SETBP1: variants seen among roughly 807,000 people sequenced by gnomAD.
SETBP1 encodes the protein SET-binding protein.
In SETBP1, 9 loss-of-function variants were observed where a neutral mutation model predicts 101.0. The observed-to-expected ratio is 0.09, with a 90% confidence interval of 0.05 to 0.16. The LOEUF (loss-of-function observed/expected upper bound fraction) is 0.16, where lower values mean the gene tolerates loss of function less well. SETBP1 is among the 10% of genes least tolerant of loss of function. The probability of loss-of-function intolerance (pLI) is 1.00; values close to 1 mark genes in which losing one functional copy is unlikely to be tolerated. For missense variants in SETBP1, 1,858 were observed against 2,033.8 expected (o/e 0.91, Z 1.66); for synonymous variants, 818 against 788.5 (o/e 1.04, Z -0.63).
At chr18:44,718,476 A>AAGAGAG (rs34880717) in intron 2 of SETBP1, among the ~76,000 whole-genome samples, 16 of 150,334 alleles carry the variant, frequency 1.1e-4, no homozygotes, top group Non-Finnish European at 2.2e-4. Context: ...CCTAGTAGCA[A>AAGAGAG]AGAGAGAGAG....
At chr18:44,899,795 A>T (rs1345262830) in intron 3 of SETBP1, among the ~76,000 whole-genome samples, 4 of 152,224 alleles carry the variant, frequency 2.6e-5, no homozygotes, top group Non-Finnish European at 4.4e-5. Context: ...CATTTATATG[A>T]TTGTGATGAC....
In SETBP1 at chr18:44,875,904, A is replaced by G. The variant is rs144537012; in HGVS notation, c.540+6621A>G. Among the ~76,000 whole-genome samples the G allele has an allele frequency of 2.0e-5, 3 of 152,322 alleles. No homozygotes were observed. The East Asian group carries it at 5.8e-4, about 29-fold the overall frequency. On this transcript the variant is annotated intron_variant, in intron 3 of 5. Coordinates refer to ENST00000649279, the MANE Select transcript of SETBP1 (RefSeq NM_015559.3). Reference sequence around the variant, plus strand: ...AACCACTTATGCTACGCCATCTTGAATTAGATTTGTCTCTACAGTGAACAC... The same window carrying G: ...AACCACTTATGCTACGCCATCTTGAGTTAGATTTGTCTCTACAGTGAACAC...
rs2072454707 is a variant in SETBP1 at position 44,834,603 on chromosome 18, A to G, written c.487-34627A>G. ...GAAGGGGTTAATCAATTGTTCTCCA[A>G]ATGTCCTCCATCAGCAGGGACCAGT... On this transcript the variant is annotated intron_variant, in intron 2 of 5. Transcript: ENST00000649279. 3.9e-5 allele frequency among the ~76,000 whole-genome samples: 6 copies of G among 152,184 alleles called. No individual in the cohort carries two copies. In the South Asian group the frequency reaches 1.2e-3, roughly 32 times the overall value.
At position 45,067,405 on chromosome 18, in the gene SETBP1, T is replaced by A. The variant is rs2073982653; in HGVS notation, c.*3707T>A. The A allele has an allele frequency of 6.6e-6, 1 of 152,128 alleles. No homozygotes were observed. The highest frequency in any genetic ancestry group is 2.4e-5 in the African/African-American group (1 of 41,426). The allele number at this position is 152,128 out of a possible 1,614,324, so 9.4% of individuals were successfully genotyped here. ...ACTAGAAAGATTTACCTGGGAACTG[T>A]CTAAAGTCTACACACATATTTCCAA... On this transcript the variant is annotated 3_prime_UTR_variant, in exon 6 of 6. Coordinates refer to ENST00000649279, the MANE Select transcript of SETBP1 (RefSeq NM_015559.3).
chr18:44,896,917 G>A (rs1399934483), intron 3 of SETBP1, among the ~76,000 whole-genome samples: 1 of 152,044 alleles, frequency 6.6e-6, no homozygotes, highest in Admixed American at 6.6e-5. Flanking sequence ...TATTTAAGCA[G>A]CCATCAATCC....
chr18:44,838,705 T>C (rs972294631), intron 2 of SETBP1, among the ~76,000 whole-genome samples: 4 of 152,330 alleles, frequency 2.6e-5, no homozygotes, highest in African/African-American at 9.6e-5. Flanking sequence ...TGGGGTGGGC[T>C]GGATAGAAAC....
intron 2 of SETBP1, among the ~76,000 whole-genome samples, chr18:44,711,051 A>AAATATAT (rs1262144290): frequency 2.0e-5 from 3 of 152,148 alleles, no homozygotes; most frequent in South Asian, 2.1e-4. Context: ...CCTGAGGCTG[A>AAATATAT]ATTATATATT....
chr18:44,892,436 T>C (rs1160137541), intron 3 of SETBP1, among the ~76,000 whole-genome samples: 1 of 152,180 alleles, frequency 6.6e-6, no homozygotes, highest in African/African-American at 2.4e-5. Flanking sequence ...GTCACCTGCA[T>C]ATGTACATGG....
chr18:44,931,931 C>T (rs2070845197), intron 3 of SETBP1, among the ~76,000 whole-genome samples: 1 of 152,236 alleles, frequency 6.6e-6, no homozygotes, highest in East Asian at 1.9e-4. Context: ...AGAATTTAGC[C>T]CATTTACATT....
At chr18:44,741,228 G>T (rs1188815223) in intron 2 of SETBP1, among the ~76,000 whole-genome samples, 2 of 152,202 alleles carry the variant, frequency 1.3e-5, no homozygotes, top group Admixed American at 1.3e-4. Flanking sequence ...GGAGGTCATG[G>T]TCCAGAGAGG....
chr18:44,980,745 C>G (rs913241218), intron 4 of SETBP1, among the ~76,000 whole-genome samples: 1 of 152,130 alleles, frequency 6.6e-6, no homozygotes, highest in African/African-American at 2.4e-5. Flanking sequence ...CTGCCAGTTT[C>G]AGAAACAGTT....
intron 2 of SETBP1, among the ~76,000 whole-genome samples, chr18:44,754,825 TG>T (rs1568126624): frequency 6.6e-6 from 1 of 152,266 alleles, no homozygotes; most frequent in African/African-American, 2.4e-5. Context: ...TGATGAATTC[TG>T]TTTACGCTTA....
chr18:44,731,308 C>T (rs1229297158), intron 2 of SETBP1, among the ~76,000 whole-genome samples: 3 of 152,200 alleles, frequency 2.0e-5, no homozygotes, highest in African/African-American at 7.2e-5. Flanking sequence ...CCCAGATGAT[C>T]AGGCTTTGCA....
intron 2 of SETBP1, among the ~76,000 whole-genome samples, chr18:44,867,679 C>T (rs2069159158): frequency 6.6e-6 from 1 of 152,038 alleles, no homozygotes; most frequent in Non-Finnish European, 1.5e-5. Context: ...CAGGGTGGTG[C>T]TGCCTGCCCC....
chr18:45,061,121 G>T (rs2073884566), intron 5 of SETBP1, among the ~76,000 whole-genome samples: 1 of 152,198 alleles, frequency 6.6e-6, no homozygotes, highest in African/African-American at 2.4e-5. Flanking sequence ...CTGACTAGTT[G>T]CCATTGATTC....
intron 2 of SETBP1, among the ~76,000 whole-genome samples, chr18:44,854,421 TC>T (rs2072932468): frequency 6.6e-6 from 1 of 152,180 alleles, no homozygotes; most frequent in Non-Finnish European, 1.5e-5. Flanking sequence ...CTTTTGATTC[TC>T]CTTCCCTAAG....
At chr18:44,705,908 C>T (rs2069206581) in intron 2 of SETBP1, among the ~76,000 whole-genome samples, 1 of 152,142 alleles carries the variant, frequency 6.6e-6, no homozygotes, top group East Asian at 1.9e-4. Context: ...ACCTCCCTGG[C>T]TCAAGGATGC....
intron 3 of SETBP1, among the ~76,000 whole-genome samples, chr18:44,929,500 C>T (rs1250707148): frequency 2.0e-5 from 3 of 152,156 alleles, no homozygotes; most frequent in Non-Finnish European, 4.4e-5. Context: ...ATGAGGATGG[C>T]ATTGAATCTA....
chr18:44,929,511 T>G (rs561123850), intron 3 of SETBP1, among the ~76,000 whole-genome samples: 1 of 152,222 alleles, frequency 6.6e-6, no homozygotes, highest in Non-Finnish European at 1.5e-5. Flanking sequence ...ATTGAATCTA[T>G]AAATTACCTT....
Sources: allele counts gnomAD v4.1 joint callset (sites outside exome capture counted in the v4.1 genomes callset), GRCh38; gene constraint gnomAD v4.1.1; transcripts MANE v1.5; gene names NCBI Gene and HGNC (gene_info 2026-07-23, HGNC 2026-07-21).